PPP2R5E: variants seen among roughly 807,000 people sequenced by gnomAD.
PPP2R5E encodes the protein protein phosphatase 2 regulatory subunit B'epsilon.
PPP2R5E carries 4 observed loss-of-function variants against 65.3 expected under a neutral mutation model. The observed-to-expected ratio is 0.06, with a 90% CI of 0.03 to 0.14. PPP2R5E has a LOEUF of 0.14. PPP2R5E is among the 10% of genes least tolerant of loss of function. PPP2R5E has a pLI of 1.00. For missense variants in PPP2R5E, 274 were observed against 556.1 expected, an observed-to-expected ratio of 0.49 and a Z score of 5.10; for synonymous variants, 183 against 187.4, an observed-to-expected ratio of 0.98 and a Z score of 0.19.
intron 3 of PPP2R5E, chr14:63,453,418 T>C (rs1888955917): frequency 8.1e-6 from 2 of 246,684 alleles, no homozygotes; most frequent in Non-Finnish European, 1.5e-5. Flanking sequence ...TTGCCAAAGC[T>C]AGAAATCCAG....
At position 63,430,365 on chromosome 14, in the gene PPP2R5E, ACATACATGCATG is replaced by A. The variant is rs1259930171; in HGVS notation, c.355-8283_355-8272del. Among the ~76,000 whole-genome samples, 70 of 132,304 alleles carry A rather than the reference ACATACATGCATG, an allele frequency of 5.3e-4. 2 individuals are homozygous for A. Among genetic ancestry groups the A allele is most frequent in the Admixed American group, 1.4e-3 (18 of 13,182 alleles). 86.8% of individuals were successfully genotyped at this position (132,304 alleles called of 152,430 possible). ...CCCATGTATACATACATACATACAT[ACATACATGCATG>A]CATACATACATACATACATACATGC... On this transcript the variant is annotated intron_variant, in intron 3 of 13. Transcript: ENST00000337537.
At chr14:63,480,744 C>T (rs1331230305) in intron 2 of PPP2R5E, among the ~76,000 whole-genome samples, 1 of 152,300 alleles carries the variant, frequency 6.6e-6, no homozygotes, top group Non-Finnish European at 1.5e-5. Context: ...CTGTGCCTGG[C>T]CAGACTCCAT....
At chr14:63,518,767 C>A (rs1285629202) in intron 2 of PPP2R5E, among the ~76,000 whole-genome samples, 5 of 152,108 alleles carry the variant, frequency 3.3e-5, no homozygotes, top group Non-Finnish European at 7.3e-5. Flanking sequence ...TCAAAGTAAT[C>A]TTCCATCATA....
intron 3 of PPP2R5E, among the ~76,000 whole-genome samples, chr14:63,441,867 G>A (rs367654184): frequency 4.7e-5 from 7 of 149,546 alleles, no homozygotes; most frequent in African/African-American, 1.5e-4. Flanking sequence ...CCAAGATCGC[G>A]CCACTGCACT....
intron 2 of PPP2R5E, among the ~76,000 whole-genome samples, chr14:63,529,673 A>C (rs908438234): frequency 1.3e-5 from 2 of 152,108 alleles, no homozygotes; most frequent in Admixed American, 6.6e-5. Context: ...CACTGTGCCC[A>C]GCCGAAAGAC....
chr14:63,404,360 CCA>C (rs2139827694), intron 5 of PPP2R5E, among the ~76,000 whole-genome samples: 2 of 152,242 alleles, frequency 1.3e-5, no homozygotes, highest in South Asian at 4.1e-4. Flanking sequence ...ATCCAAAGTG[CCA>C]CAGAGCACTA....
At chr14:63,499,633 A>G (rs1277721209) in intron 2 of PPP2R5E, among the ~76,000 whole-genome samples, 1 of 152,142 alleles carries the variant, frequency 6.6e-6, no homozygotes, top group African/African-American at 2.4e-5. Context: ...AGGCTGAAGC[A>G]GGAGAATCAC....
At chr14:63,464,429 T>C (rs1172446317) in intron 2 of PPP2R5E, among the ~76,000 whole-genome samples, 1 of 151,594 alleles carries the variant, frequency 6.6e-6, no homozygotes, top group African/African-American at 2.4e-5. Context: ...TGGGGAAGAG[T>C]GTCCCAAGGA....
At chr14:63,456,327 C>T (rs1056862735) in intron 2 of PPP2R5E, among the ~76,000 whole-genome samples, 10 of 152,298 alleles carry the variant, frequency 6.6e-5, no homozygotes, top group Admixed American at 5.2e-4. Flanking sequence ...GATTCATATA[C>T]TTAGCAGTTC....
intron 2 of PPP2R5E, among the ~76,000 whole-genome samples, chr14:63,487,783 G>A (rs1450035035): frequency 6.6e-6 from 1 of 152,034 alleles, no homozygotes; most frequent in Non-Finnish European, 1.5e-5. Context: ...TTAATTTCAG[G>A]ATTCCATCCT....
Position 63,500,622 on chromosome 14 carries a change from G to A in PPP2R5E, c.157+38907C>T, listed in dbSNP as rs78672934. Among the ~76,000 whole-genome samples, 1,176 of 152,216 alleles carry A rather than the reference G, an allele frequency of 7.7e-3. 7 individuals are homozygous for A. Among genetic ancestry groups the A allele is most frequent in the Non-Finnish European group, 0.012 (834 of 68,024 alleles). On this transcript the variant is annotated intron_variant, in intron 2 of 13. Coordinates refer to ENST00000337537, the MANE Select transcript of PPP2R5E (RefSeq NM_006246.5). ...GGCACAGCGGGCTTTGGGAGGCCAC[G>A]GCAAGAGGATCTCTTGAGGCCAAGA...
chr14:63,426,616 T>C (rs886066676), intron 3 of PPP2R5E, among the ~76,000 whole-genome samples: 3 of 146,564 alleles, frequency 2.0e-5, no homozygotes, highest in African/African-American at 7.6e-5. Flanking sequence ...AAGATGAAAA[T>C]GGGTCTTGAA....
At chr14:63,499,410 T>C (rs561305584) in intron 2 of PPP2R5E, among the ~76,000 whole-genome samples, 11 of 152,188 alleles carry the variant, frequency 7.2e-5, no homozygotes, top group Admixed American at 4.6e-4. Context: ...AATTAATCAA[T>C]ATTTGGTAGT....
intron 2 of PPP2R5E, among the ~76,000 whole-genome samples, chr14:63,476,989 T>C (rs1265316566): frequency 6.6e-6 from 1 of 152,236 alleles, no homozygotes; most frequent in East Asian, 1.9e-4. Flanking sequence ...ATGAATCCAA[T>C]ACATCTCCAT....
intron 2 of PPP2R5E, among the ~76,000 whole-genome samples, chr14:63,476,896 C>T (rs1156981419): frequency 6.6e-6 from 1 of 152,114 alleles, no homozygotes; most frequent in Non-Finnish European, 1.5e-5. Context: ...CAGCTGAAAA[C>T]TAAGAACAAG....
At chr14:63,518,944 C>T (rs890014395) in intron 2 of PPP2R5E, among the ~76,000 whole-genome samples, 3 of 152,130 alleles carry the variant, frequency 2.0e-5, no homozygotes, top group East Asian at 1.9e-4. Context: ...AGAGGCCGGG[C>T]GCAGTGGCTC....
rs1453813485 is a variant in PPP2R5E at position 63,523,868 on chromosome 14, T to C, written c.157+15661A>G. Among the ~76,000 whole-genome samples, 4 of 152,294 alleles carry C rather than the reference T, an allele frequency of 2.6e-5. No homozygotes were observed. The East Asian group carries it at 5.8e-4, about 22-fold the overall frequency. On this transcript the variant is annotated intron_variant, in intron 2 of 13. Coordinates refer to ENST00000337537, the MANE Select transcript of PPP2R5E (RefSeq NM_006246.5). ...AAAGTACTCATTCAATCAAAAACAG[T>C]GTTGTGTGCTTATAATGTGTAAGGC...
intron 3 of PPP2R5E, among the ~76,000 whole-genome samples, chr14:63,430,477 A>G (rs1416864074): frequency 6.6e-6 from 1 of 152,122 alleles, no homozygotes; most frequent in African/African-American, 2.4e-5. Context: ...CAAATTTTCT[A>G]ACATAAAAAT....
chr14:63,412,755 G>A (rs1886464713), intron 5 of PPP2R5E, among the ~76,000 whole-genome samples: 1 of 152,208 alleles, frequency 6.6e-6, no homozygotes, highest in Non-Finnish European at 1.5e-5. Context: ...ATAACTGAAT[G>A]AAGAGGGGTA....
Sources: gnomAD v4.1 joint callset for allele counts (sites outside exome capture counted in the v4.1 genomes callset) on GRCh38, gnomAD v4.1.1 for gene constraint, MANE v1.5 for transcripts, NCBI Gene and HGNC (gene_info 2026-07-23, HGNC 2026-07-21) for gene names.